RNF128: variants seen among roughly 807,000 people sequenced by gnomAD.
RNF128 encodes E3 ubiquitin-protein ligase RNF128.
In RNF128, 13 loss-of-function variants were observed where a neutral mutation model predicts 26.2. The observed-to-expected ratio is 0.50, with a 90% CI of 0.32 to 0.79. The LOEUF (loss-of-function observed/expected upper bound fraction) is 0.79. Among genes scored for constraint, RNF128 ranks in the 30% least tolerant of loss-of-function variants. The pLI, the probability that RNF128 is intolerant of heterozygous loss-of-function variation, is 0.03. For missense variants in RNF128, 315 were observed against 349.7 expected (o/e 0.90, Z 0.79); for synonymous variants, 149 against 142.5 (o/e 1.05, Z -0.32).
chrX:106,789,575 A>G (rs1014019646), intron 4 of RNF128, among the ~76,000 whole-genome samples: 2 of 101,401 alleles, frequency 2.0e-5, no homozygotes, highest in Admixed American at 1.1e-4. Context: ...TATAATATGT[A>G]GTATATATAG....
rs1338359698 is a variant in RNF128 at position 106,748,457 on chromosome X, A to G, written c.484+21060A>G. On this transcript the variant is annotated intron_variant, in intron 1 of 6. Transcript: ENST00000255499. ...CCTGAACTCTTGTTTTCAAAGATCA[A>G]TTTTTATGAGCACTTAAAGAAATGC... 3.6e-5 allele frequency among the ~76,000 whole-genome samples: 4 copies of G among 112,019 alleles called. No homozygotes were observed. In the East Asian group the frequency reaches 1.1e-3, roughly 31 times the overall value.
At chrX:106,772,415 A>G (rs182301731) in intron 1 of RNF128, among the ~76,000 whole-genome samples, 178 of 111,860 alleles carry the variant, frequency 1.6e-3, no homozygotes, top group Non-Finnish European at 2.7e-3. Context: ...GTTTGTAAAC[A>G]TTGTTTGGCT....
chrX:106,713,027 TC>T (rs1311161079), intron 1 of RNF128, among the ~76,000 whole-genome samples: 1 of 107,557 alleles, frequency 9.3e-6, no homozygotes, highest in Non-Finnish European at 1.9e-5. Context: ...ACTGCAGGTA[TC>T]CGCCGCTTCG....
intron 1 of RNF128, among the ~76,000 whole-genome samples, chrX:106,767,982 T>G (rs1196919383): frequency 8.9e-6 from 1 of 111,873 alleles, no homozygotes; most frequent in Non-Finnish European, 1.9e-5. Context: ...TCATGTGGTT[T>G]TTATCTTTGG....
At chrX:106,749,847 G>A (rs755492525) in intron 1 of RNF128, among the ~76,000 whole-genome samples, 9 of 110,007 alleles carry the variant, frequency 8.2e-5, no homozygotes, top group African/African-American at 3.0e-4. Flanking sequence ...GGAGACTGCA[G>A]TGAGCCGTGA....
At chrX:106,714,211 G>A (rs1929177098) in intron 1 of RNF128, among the ~76,000 whole-genome samples, 1 of 108,349 alleles carries the variant, frequency 9.2e-6, no homozygotes, top group South Asian at 4.0e-4. Context: ...CATAGCAGGA[G>A]TACTATGGGC....
chrX:106,792,290 T>A (rs2147705432), intron 6 of RNF128, among the ~76,000 whole-genome samples: 1 of 105,924 alleles, frequency 9.4e-6, no homozygotes, highest in East Asian at 3.0e-4. Context: ...AAAGAGAGTG[T>A]ACGAGATAAT....
intron 1 of RNF128, among the ~76,000 whole-genome samples, chrX:106,719,125 T>C (rs900337790): frequency 8.9e-6 from 1 of 112,269 alleles, no homozygotes; most frequent in African/African-American, 3.2e-5. Flanking sequence ...CATAAATTAT[T>C]TTTTCAGGAG....
At chrX:106,763,503 T>C (rs778931114) in intron 1 of RNF128, among the ~76,000 whole-genome samples, 10 of 112,464 alleles carry the variant, frequency 8.9e-5, no homozygotes, top group Non-Finnish European at 1.7e-4. Context: ...AGGAAGCCAA[T>C]TCAGGGTTTT....
chrX:106,744,335 T>C (rs1004480044), intron 1 of RNF128, among the ~76,000 whole-genome samples: 4 of 111,982 alleles, frequency 3.6e-5, no homozygotes, highest in Non-Finnish European at 7.5e-5. Flanking sequence ...GATTCAGCCA[T>C]CTTTTATTAC....
intron 5 of RNF128, 147 bp from the exon 6 acceptor site, chrX:106,790,919 A>G (rs1930811058): frequency 3.9e-6 from 2 of 506,400 alleles, no homozygotes; most frequent in South Asian, 7.4e-5. Context: ...GGCTAACAAG[A>G]GACTTGTGAT....
At chrX:106,733,710 A>AT (rs889003263) in intron 1 of RNF128, among the ~76,000 whole-genome samples, 52 of 110,562 alleles carry the variant, frequency 4.7e-4, no homozygotes, top group African/African-American at 1.6e-3. Context: ...TTATTTATTT[A>AT]TTTTTTTTGA....
At chrX:106,728,926 A>C (rs1929455356) in intron 1 of RNF128, among the ~76,000 whole-genome samples, 1 of 112,261 alleles carries the variant, frequency 8.9e-6, no homozygotes, top group South Asian at 3.7e-4. Context: ...TTCATTGATT[A>C]GAATGAATCA....
At chrX:106,744,661 G>A (rs957739670) in intron 1 of RNF128, among the ~76,000 whole-genome samples, 85 of 110,422 alleles carry the variant, frequency 7.7e-4, no homozygotes, top group Non-Finnish European at 1.2e-3. Flanking sequence ...GGGTTTCACC[G>A]TGTTAACCAG....
chrX:106,763,829 T>G (rs1192393869), intron 1 of RNF128, among the ~76,000 whole-genome samples: 1 of 109,834 alleles, frequency 9.1e-6, no homozygotes, highest in Non-Finnish European at 1.9e-5. Context: ...TTTTAATAGT[T>G]GGACTGTATA....
At position 106,790,234 on chromosome X, in the gene RNF128, G is replaced by T. The variant is rs373865038; in HGVS notation, c.936G>T (p.Arg312Ser). 1 of 1,204,780 alleles carries T rather than the reference G, an allele frequency of 8.3e-7. No homozygotes were observed. The highest frequency in any genetic ancestry group is 1.8e-5 in the South Asian group (1 of 56,352). The part of the protein sequence containing the change: ...TCVDPWLLEH[R>S]TCPMCKCDIL... Reference sequence around the variant, plus strand: ...TTGACCCATGGCTGTTAGAACACAGGACTTGCCCCATGTGCAAATGTGACA... The same window carrying T: ...TTGACCCATGGCTGTTAGAACACAGTACTTGCCCCATGTGCAAATGTGACA... The change falls in exon 5 of 7, where the codon AGG (arginine) becomes AGT (serine). Residue 312 changes from arginine to serine, a missense_variant. Arg to Ser is a moderately radical substitution (Grantham distance 110). Transcript: ENST00000255499.
intron 1 of RNF128, among the ~76,000 whole-genome samples, chrX:106,732,244 C>T (rs1929512826): frequency 8.9e-6 from 1 of 111,951 alleles, no homozygotes; most frequent in South Asian, 3.7e-4. Flanking sequence ...CTTCCCAGCA[C>T]AGCCCACACC....
At chrX:106,776,678 A>G (rs1166886538) in intron 2 of RNF128, among the ~76,000 whole-genome samples, 1 of 111,950 alleles carries the variant, frequency 8.9e-6, no homozygotes, top group Non-Finnish European at 1.9e-5. Flanking sequence ...GCTCAGGCAG[A>G]GAATCTTTGA....
rs146959940 is a variant in RNF128 at position 106,720,915 on chromosome X, G to T, written c.406+26507G>T. Among the ~76,000 whole-genome samples the T allele has an allele frequency of 6.1e-3, 684 of 111,640 alleles. 2 individuals are homozygous for T. Among genetic ancestry groups the T allele is most frequent in the African/African-American group, 0.021 (651 of 30,689 alleles). On this transcript the variant is annotated intron_variant, in intron 1 of 6. Transcript: ENST00000324342. ...GTTATTAAAGTTATGGATATGAAAA[G>T]ATTGTTCTTAGTTTTAGATACAGCG...
Sources: allele counts gnomAD v4.1 joint callset (sites outside exome capture counted in the v4.1 genomes callset), GRCh38; gene constraint gnomAD v4.1.1; transcripts MANE v1.5; gene names NCBI Gene and HGNC (gene_info 2026-07-23, HGNC 2026-07-21).